PTPRD: variants seen among roughly 807,000 people sequenced by gnomAD.
PTPRD encodes receptor-type tyrosine-protein phosphatase delta.
A neutral mutation model predicts 214.5 loss-of-function variants in PTPRD; 34 were observed. The observed-to-expected ratio is 0.16, with a 90% CI of 0.12 to 0.21. PTPRD has a LOEUF of 0.21. Ranked by LOEUF, PTPRD falls within the 10% of genes least tolerant of loss-of-function variation. PTPRD has a pLI of 1.00. For synonymous variants in PTPRD, 1,128 were observed against 845.7 expected, an observed-to-expected ratio of 1.33 and a Z score of -5.79; for missense variants, 2,545 against 2,398.7, an observed-to-expected ratio of 1.06 and a Z score of -1.27.
Position 9,850,369 on chromosome 9 carries a change from TTAG to T in PTPRD, c.-367-83521_-367-83519del, listed in dbSNP as rs527543710. ...ATGTAAATGTTTGTTCTTGTTATTA[TTAG>T]TAGTATTGCTATTGTCCTGGTTTTC... On this transcript the variant is annotated intron_variant, in intron 5 of 45. Transcript: ENST00000381196. Among the ~76,000 whole-genome samples, 54 of 152,220 alleles carry T rather than the reference TTAG, an allele frequency of 3.5e-4. 1 individual carries two copies. The East Asian group carries it at 9.5e-3, about 27-fold the overall frequency.
At chr9:10,606,461 G>T (rs1180162373) in intron 2 of PTPRD, among the ~76,000 whole-genome samples, 1 of 151,614 alleles carries the variant, frequency 6.6e-6, no homozygotes, top group Admixed American at 6.6e-5. Context: ...TCTAAATACA[G>T]GTTTTTCGTA....
At chr9:8,454,647 C>T (rs372164971) in intron 33 of PTPRD, 18 of 1,592,380 alleles carry the variant, frequency 1.1e-5, no homozygotes, top group Non-Finnish European at 1.5e-5. Flanking sequence ...TGTTAGTTGG[C>T]CAATGGTAAC....
chr9:8,651,348 C>T (rs956841083), intron 12 of PTPRD, among the ~76,000 whole-genome samples: 1 of 152,090 alleles, frequency 6.6e-6, no homozygotes, highest in Admixed American at 6.6e-5. Flanking sequence ...AAGGCATGTA[C>T]AAGCAAGCAG....
chr9:8,669,576 C>T (rs761490644), intron 12 of PTPRD, among the ~76,000 whole-genome samples: 1 of 152,088 alleles, frequency 6.6e-6, no homozygotes, highest in African/African-American at 2.4e-5. Context: ...GGCTGCTGTG[C>T]TATCCAAGTC....
At chr9:8,421,327 T>C (rs1452776086) in intron 35 of PTPRD, among the ~76,000 whole-genome samples, 1 of 144,450 alleles carries the variant, frequency 6.9e-6, no homozygotes, top group Admixed American at 7.0e-5. Context: ...CTTCTTTCTT[T>C]CCTTTTCTTT....
At chr9:10,398,949 T>G (rs1309357910) in intron 2 of PTPRD, among the ~76,000 whole-genome samples, 1 of 151,974 alleles carries the variant, frequency 6.6e-6, no homozygotes, top group South Asian at 2.1e-4. Flanking sequence ...AAATTGTGCT[T>G]GATTATCTCC....
At chr9:9,903,307 G>A (rs968634192) in intron 5 of PTPRD, among the ~76,000 whole-genome samples, 4 of 151,936 alleles carry the variant, frequency 2.6e-5, no homozygotes, top group Admixed American at 6.6e-5. Flanking sequence ...AGTATTTTAA[G>A]CTATTACTTT....
chr9:10,077,349 T>C (rs1270602448), intron 3 of PTPRD, among the ~76,000 whole-genome samples: 1 of 152,190 alleles, frequency 6.6e-6, no homozygotes, highest in Non-Finnish European at 1.5e-5. Flanking sequence ...GCTTCCTAAC[T>C]TGTGGTTCTC....
intron 2 of PTPRD, among the ~76,000 whole-genome samples, chr9:10,519,914 C>T (rs1298973983): frequency 6.6e-6 from 1 of 152,074 alleles, no homozygotes; most frequent in East Asian, 1.9e-4. Context: ...TCTCCTCAGG[C>T]TCCCCTATTC....
intron 8 of PTPRD, among the ~76,000 whole-genome samples, chr9:9,499,735 C>T (rs1162947066): frequency 6.6e-6 from 1 of 152,032 alleles, no homozygotes; most frequent in Non-Finnish European, 1.5e-5. Context: ...TAAAACAAAA[C>T]ACAAGCATGG....
intron 7 of PTPRD, among the ~76,000 whole-genome samples, chr9:9,588,211 C>G (rs1010094664): frequency 1.3e-5 from 2 of 151,768 alleles, no homozygotes; most frequent in African/African-American, 4.8e-5. Flanking sequence ...TAAGGACTAA[C>G]CTTAGTCCTT....
intron 14 of PTPRD, among the ~76,000 whole-genome samples, chr9:8,618,845 T>C (rs1292056513): frequency 6.7e-6 from 1 of 149,456 alleles, no homozygotes; most frequent in Non-Finnish European, 1.5e-5. Context: ...TACAGGTGCA[T>C]GCCACCACAC....
chr9:8,964,070 A>G (rs150726959), intron 11 of PTPRD, among the ~76,000 whole-genome samples: 1 of 151,732 alleles, frequency 6.6e-6, no homozygotes, highest in Non-Finnish European at 1.5e-5. Flanking sequence ...TCATAGAATG[A>G]GTCATAGAGG....
At chr9:8,768,167 G>T (rs1037982268) in intron 11 of PTPRD, among the ~76,000 whole-genome samples, 32 of 152,316 alleles carry the variant, frequency 2.1e-4, no homozygotes, top group African/African-American at 7.0e-4. Context: ...TGCCAAGGCA[G>T]GAGGCTTGCT....
intron 10 of PTPRD, among the ~76,000 whole-genome samples, chr9:9,155,877 T>C (rs1443017800): frequency 6.6e-6 from 1 of 152,150 alleles, no homozygotes; most frequent in Non-Finnish European, 1.5e-5. Flanking sequence ...TTGCTTTAAG[T>C]ACAATAATGC....
intron 11 of PTPRD, among the ~76,000 whole-genome samples, chr9:8,934,506 A>AATAT (rs1454498464): frequency 9.6e-5 from 1 of 10,410 alleles, no homozygotes; most frequent in Non-Finnish European, 1.9e-4. Flanking sequence ...TATATATATA[A>AATAT]ATATATATAT....
At chr9:9,662,073 T>G (rs190293371) in intron 7 of PTPRD, among the ~76,000 whole-genome samples, 371 of 151,880 alleles carry the variant, frequency 2.4e-3, no homozygotes, top group African/African-American at 8.4e-3. Context: ...ATAAAAGTAT[T>G]CAAATACTAT....
chr9:9,745,415 T>C (rs1488698848), intron 6 of PTPRD, among the ~76,000 whole-genome samples: 1 of 152,064 alleles, frequency 6.6e-6, no homozygotes, highest in Non-Finnish European at 1.5e-5. Context: ...CAAAGAAGTT[T>C]TCCTTTCTCT....
At chr9:9,058,605 T>G (rs1234115983) in intron 10 of PTPRD, among the ~76,000 whole-genome samples, 3 of 150,606 alleles carry the variant, frequency 2.0e-5, no homozygotes, top group African/African-American at 7.3e-5. Context: ...TCCCGCCACC[T>G]CGCCCGGCTA....
Sources: gnomAD v4.1 joint callset for allele counts (sites outside exome capture counted in the v4.1 genomes callset) on GRCh38, gnomAD v4.1.1 for gene constraint, MANE v1.5 for transcripts, NCBI Gene and HGNC (gene_info 2026-07-23, HGNC 2026-07-21) for gene names.